NUSAP1: variants seen among roughly 807,000 people sequenced by gnomAD.
The protein encoded by NUSAP1 is nucleolar and spindle associated protein 1, also known as nucleolar and spindle-associated protein 1.
A neutral mutation model predicts 52.8 loss-of-function variants in NUSAP1; 32 were observed. That is an observed-to-expected ratio of 0.61 (90% confidence interval 0.46 to 0.81). NUSAP1 has a LOEUF of 0.81. Among genes scored for constraint, NUSAP1 ranks in the 40% least tolerant of loss-of-function variants. The pLI is 0.00. For missense variants in NUSAP1, 499 were observed against 522.3 expected (o/e 0.96, Z 0.43); for synonymous variants, 195 against 183.1 (o/e 1.06, Z -0.52).
chr15:41,353,983 CA>C (rs2048869256), intron 4 of NUSAP1, among the ~76,000 whole-genome samples: 1 of 151,218 alleles, frequency 6.6e-6, no homozygotes. Context: ...CCATTAAGGT[CA>C]AAAAAATAAA....
At position 41,375,406 on chromosome 15, in the gene NUSAP1, C is replaced by A. The variant is rs191804885; in HGVS notation, c.1007-306C>A. Among the ~76,000 whole-genome samples, 5 of 152,068 alleles carry A rather than the reference C, an allele frequency of 3.3e-5. No individual in the cohort carries two copies. In the East Asian group the frequency reaches 7.7e-4, roughly 24 times the overall value. ...GGTCAGGCTGGTCTTGAACTCCTGA[C>A]CTCAGGTGATCCACCCGACTCGGCC... is the stretch of plus-strand genomic sequence containing the variant. On this transcript the variant is annotated intron_variant, in intron 8 of 10. Coordinates refer to ENST00000559596, the MANE Select transcript of NUSAP1 (RefSeq NM_016359.5).
chr15:41,345,203 T>C (rs2048518721), intron 2 of NUSAP1, among the ~76,000 whole-genome samples: 1 of 152,054 alleles, frequency 6.6e-6, no homozygotes, highest in Non-Finnish European at 1.5e-5. Context: ...TTTCACAATA[T>C]TGCCCGGGCT....
Position 41,349,101 on chromosome 15 carries a change from G to T in NUSAP1, c.166G>T (p.Glu56Ter). The T allele has an allele frequency of 6.2e-7, 1 of 1,613,692 alleles. No homozygotes were observed. Among genetic ancestry groups the T allele is most frequent in the Non-Finnish European group, 8.5e-7 (1 of 1,179,712 alleles). The stretch of plus-strand genomic sequence containing the variant: ...AGATTAATACCTCTCTTTTCAGGAT[G>T]AAAGTCAAACTTCTGCATCCTCTTG... ...EARKGNENQD[E>*]SQTSASSCDE... Residue 56 changes from glutamate to a stop codon, truncating the protein, a stop_gained, in exon 3 of 11, where the codon GAA (glutamate) becomes TAA (stop). Coordinates refer to ENST00000559596, the MANE Select transcript of NUSAP1 (RefSeq NM_016359.5). LOFTEE classifies it high-confidence loss of function.
intron 2 of NUSAP1, among the ~76,000 whole-genome samples, chr15:41,344,468 C>G (rs543453849): frequency 3.6e-4 from 55 of 151,722 alleles, no homozygotes; most frequent in Middle Eastern, 3.4e-3. Flanking sequence ...GAAACCCTGT[C>G]TCTACTAAAA....
intron 7 of NUSAP1, 51 bp downstream of exon 7, chr15:41,365,640 A>G: frequency 5.7e-6 from 8 of 1,409,780 alleles, no homozygotes; most frequent in African/African-American, 1.5e-5. Flanking sequence ...CACATGGACT[A>G]TATAAAAAAA....
At chr15:41,353,716 GTAAGATTGAGGCTTTCT>G (rs1433541220) in intron 4 of NUSAP1, among the ~76,000 whole-genome samples, 1 of 152,216 alleles carries the variant, frequency 6.6e-6, no homozygotes, top group Non-Finnish European at 1.5e-5. Flanking sequence ...TGAAAAAGAT[GTAAGATTGAGGCTTTCT>G]TATATTTGTA....
chr15:41,332,981 G>C lies in NUSAP1; in HGVS notation c.24G>C (p.Glu8Asp). 6.2e-7 allele frequency: 1 copy of C among 1,611,500 alleles called. No homozygotes were observed. Among genetic ancestry groups the C allele is most frequent in the Non-Finnish European group, 8.5e-7 (1 of 1,178,744 alleles). The change falls in exon 1 of 11, where the codon GAG becomes GAC. Residue 8 changes from glutamate (E) to aspartate (D), a missense_variant. Transcript: ENST00000559596. ...CGATGATCATCCCCTCTCTAGAGGA[G>C]CTGGACTCCCTCAAGTACAGTGACC... The part of the protein sequence containing the change: MIIPSLE[E>D]LDSLKYSDLQ...
intron 3 of NUSAP1, among the ~76,000 whole-genome samples, chr15:41,350,701 A>G (rs1307074272): frequency 6.6e-6 from 1 of 152,166 alleles, no homozygotes; most frequent in East Asian, 1.9e-4. Context: ...TTCTGCCTCA[A>G]TGTAGTCACT....
chr15:41,354,238 G>A (rs1403857774), intron 4 of NUSAP1, among the ~76,000 whole-genome samples: 1 of 152,170 alleles, frequency 6.6e-6, no homozygotes, highest in South Asian at 2.1e-4. Flanking sequence ...CAGGCGCAGT[G>A]GCTTACGCTT....
At chr15:41,339,966 T>C (rs181110481) in intron 1 of NUSAP1, among the ~76,000 whole-genome samples, 20 of 151,574 alleles carry the variant, frequency 1.3e-4, no homozygotes, top group Middle Eastern at 3.4e-3. Context: ...AGACATGGGG[T>C]TTCACCCTGT....
At chr15:41,377,829 A>G (rs7166251) in intron 10 of NUSAP1, among the ~76,000 whole-genome samples, 2,757 of 139,662 alleles carry the variant, frequency 0.02, 102 homozygotes, top group African/African-American at 0.066. Context: ...TTGAAACCCC[A>G]TCTCTACTAA....
intron 1 of NUSAP1, among the ~76,000 whole-genome samples, chr15:41,336,157 G>A (rs1046017812): frequency 4.2e-4 from 64 of 151,498 alleles, no homozygotes; most frequent in African/African-American, 1.5e-3. Flanking sequence ...CTACTCGGGA[G>A]GCTGAGGCAG....
chr15:41,337,485 T>G (rs891206340), intron 1 of NUSAP1, among the ~76,000 whole-genome samples: 2 of 152,224 alleles, frequency 1.3e-5, no homozygotes, highest in African/African-American at 4.8e-5. Context: ...TTCTCCACTC[T>G]GCTAGCTTAT....
At chr15:41,362,889 C>T (rs570623836) in intron 6 of NUSAP1, among the ~76,000 whole-genome samples, 1 of 152,214 alleles carries the variant, frequency 6.6e-6, no homozygotes, top group African/African-American at 2.4e-5. Flanking sequence ...AGGAAAAATG[C>T]TTGAAGCCCG....
intron 7 of NUSAP1, among the ~76,000 whole-genome samples, chr15:41,366,798 A>C (rs2049436050): frequency 6.6e-6 from 1 of 151,926 alleles, no homozygotes; most frequent in Admixed American, 6.6e-5. Context: ...CTACATTTTC[A>C]TGGTTTATGT....
intron 8 of NUSAP1, among the ~76,000 whole-genome samples, chr15:41,374,165 G>T (rs1252625833): frequency 1.3e-5 from 2 of 152,042 alleles, no homozygotes; most frequent in African/African-American, 2.4e-5. Flanking sequence ...ATCTATTTCA[G>T]ACTATTCATG....
intron 6 of NUSAP1, among the ~76,000 whole-genome samples, chr15:41,361,334 G>C (rs191878584): frequency 6.7e-6 from 1 of 149,162 alleles, no homozygotes; most frequent in Non-Finnish European, 1.5e-5. Context: ...CAGAGGTTGC[G>C]GTGAGCCGAG....
At chr15:41,365,738 T>G in intron 7 of NUSAP1, 149 bp downstream of exon 7, 1 of 492,154 alleles carries the variant, frequency 2.0e-6, no homozygotes, top group East Asian at 4.4e-5. Flanking sequence ...TTTTTTTTTT[T>G]GAGATGAGGT....
intron 3 of NUSAP1, among the ~76,000 whole-genome samples, chr15:41,350,504 G>A (rs2048739637): frequency 6.6e-6 from 1 of 151,768 alleles, no homozygotes; most frequent in Non-Finnish European, 1.5e-5. Flanking sequence ...GGGGGAGGGT[G>A]GTGTCTGGAG....
Sources: allele counts gnomAD v4.1 joint callset (sites outside exome capture counted in the v4.1 genomes callset), GRCh38; gene constraint gnomAD v4.1.1; transcripts MANE v1.5; gene names NCBI Gene and HGNC (gene_info 2026-07-23, HGNC 2026-07-21).